DOCK3: variants seen among roughly 807,000 people sequenced by gnomAD.
The protein encoded by DOCK3 is dedicator of cytokinesis protein 3.
DOCK3 carries 60 observed loss-of-function variants against 265.6 expected under a neutral mutation model. That is an observed-to-expected ratio of 0.23 (90% CI 0.18 to 0.28). The LOEUF (loss-of-function observed/expected upper bound fraction) is 0.28. DOCK3 is among the 10% of genes least tolerant of loss of function. DOCK3 has a pLI of 1.00. For synonymous variants in DOCK3, 881 were observed against 938.0 expected (o/e 0.94, Z 1.11); for missense variants, 1,981 against 2,594.3 (o/e 0.76, Z 5.14).
chr3:51,310,188 T>G, intron 27 of DOCK3, 44 bp from the exon 28 acceptor site: 1 of 1,485,530 alleles, frequency 6.7e-7, no homozygotes, highest in Non-Finnish European at 9.2e-7. Flanking sequence ...AGGAGATGCA[T>G]ATTGTGGTGG....
chr3:51,148,594 T>C (rs1001573437), intron 10 of DOCK3, among the ~76,000 whole-genome samples: 76 of 152,358 alleles, frequency 5.0e-4, no homozygotes, highest in African/African-American at 1.8e-3. Context: ...ATTTATTACA[T>C]AGGGAATCCT....
At chr3:51,358,098 C>G (rs774965967) in intron 46 of DOCK3, 21 bp downstream of exon 46, 9 of 1,608,098 alleles carry the variant, frequency 5.6e-6, no homozygotes, top group Non-Finnish European at 5.1e-6. Flanking sequence ...CCCTGTCCTG[C>G]CCCTGCTGCA....
intron 3 of DOCK3, among the ~76,000 whole-genome samples, chr3:50,850,290 G>A (rs2046299065): frequency 6.6e-6 from 1 of 151,168 alleles, no homozygotes; most frequent in South Asian, 2.1e-4. Context: ...AACCCAGGAG[G>A]CAGAGATTGC....
intron 2 of DOCK3, among the ~76,000 whole-genome samples, chr3:50,827,050 A>G (rs991444163): frequency 6.6e-6 from 1 of 152,186 alleles, no homozygotes; most frequent in Admixed American, 6.5e-5. Flanking sequence ...AAAATAGACT[A>G]ATTTCATTGT....
At chr3:51,247,068 C>T (rs908406417) in intron 22 of DOCK3, among the ~76,000 whole-genome samples, 14 of 152,166 alleles carry the variant, frequency 9.2e-5, no homozygotes, top group African/African-American at 3.4e-4. Context: ...GATTGTTACC[C>T]ATAGTATCAG....
chr3:51,289,741 G>A (rs2081624253), intron 27 of DOCK3, among the ~76,000 whole-genome samples: 1 of 152,038 alleles, frequency 6.6e-6, no homozygotes, highest in African/African-American at 2.4e-5. Context: ...TACCATCAGA[G>A]TGAACAGGCA....
intron 4 of DOCK3, among the ~76,000 whole-genome samples, chr3:50,925,618 GT>G (rs1251550912): frequency 1.3e-5 from 2 of 152,078 alleles, no homozygotes; most frequent in African/African-American, 4.8e-5. Flanking sequence ...CACAGACAGG[GT>G]AGTCTTCTTT....
chr3:51,020,602 G>T (rs2079542183), intron 5 of DOCK3, among the ~76,000 whole-genome samples: 2 of 151,682 alleles, frequency 1.3e-5, no homozygotes, highest in South Asian at 4.2e-4. Context: ...TATGGTTCTG[G>T]GTTTTACCTT....
chr3:51,047,300 A>G (rs1367221290), intron 5 of DOCK3, among the ~76,000 whole-genome samples: 1 of 151,694 alleles, frequency 6.6e-6, no homozygotes, highest in East Asian at 1.9e-4. Flanking sequence ...AGATATACCT[A>G]ATGTAAATGA....
chr3:50,852,974 A>T (rs1054699231), intron 3 of DOCK3, among the ~76,000 whole-genome samples: 11 of 152,188 alleles, frequency 7.2e-5, no homozygotes, highest in Admixed American at 1.3e-4. Context: ...ATGTGTAATG[A>T]TCAAAACCAG....
chr3:50,804,320 C>T (rs138523729), intron 2 of DOCK3, among the ~76,000 whole-genome samples: 14,358 of 151,994 alleles, frequency 0.094, 837 homozygotes, highest in Non-Finnish European at 0.12. Context: ...AGACGCTCCT[C>T]GCTTCCCAGA....
At chr3:51,100,626 G>A (rs2083045187) in intron 9 of DOCK3, among the ~76,000 whole-genome samples, 1 of 152,100 alleles carries the variant, frequency 6.6e-6, no homozygotes, top group Non-Finnish European at 1.5e-5. Context: ...TATAGATTAA[G>A]TCTAATCAAG....
intron 27 of DOCK3, among the ~76,000 whole-genome samples, chr3:51,300,427 C>T (rs1420850542): frequency 1.3e-5 from 2 of 152,164 alleles, no homozygotes; most frequent in Non-Finnish European, 2.9e-5. Context: ...GCCAGAACTT[C>T]CAGTACTATG....
intron 3 of DOCK3, among the ~76,000 whole-genome samples, chr3:50,847,031 G>A (rs1183491554): frequency 6.6e-6 from 1 of 151,630 alleles, no homozygotes. Flanking sequence ...CTATCTTTGG[G>A]GTTACTTTGT....
Position 50,994,897 on chromosome 3 carries a change from A to G in DOCK3, c.315+60820A>G, listed in dbSNP as rs927322973. On this transcript the variant is annotated intron_variant, in intron 5 of 52. Transcript: ENST00000266037. ...TGTTACCTGTTATCATCATTGTTGT[A>G]TACCATTAAAAGAAAGTAAGGATGA... Among the ~76,000 whole-genome samples the G allele has an allele frequency of 3.9e-5, 6 of 152,326 alleles. No homozygotes were observed. In the East Asian group the frequency reaches 7.7e-4, roughly 20 times the overall value.
intron 5 of DOCK3, among the ~76,000 whole-genome samples, chr3:50,970,956 G>T (rs1575641380): frequency 5.3e-5 from 2 of 37,926 alleles, no homozygotes; most frequent in African/African-American, 6.3e-5. Context: ...TAATGTGTGT[G>T]TGTGTGTGTG....
chr3:50,964,108 C>T (rs1380013622), intron 5 of DOCK3, among the ~76,000 whole-genome samples: 1 of 152,182 alleles, frequency 6.6e-6, no homozygotes, highest in African/African-American at 2.4e-5. Flanking sequence ...AGGTAGAATA[C>T]TCAGGAAGGA....
intron 3 of DOCK3, chr3:50,877,111 C>T: frequency 3.7e-6 from 1 of 272,630 alleles, no homozygotes; most frequent in South Asian, 3.9e-5. Context: ...TTCTGCCATT[C>T]TAGGCATTGC....
intron 1 of DOCK3, among the ~76,000 whole-genome samples, chr3:50,765,029 T>A (rs1209962306): frequency 6.6e-6 from 1 of 150,688 alleles, no homozygotes; most frequent in East Asian, 1.9e-4. Context: ...CCCAAAGTGC[T>A]GGGATTATGG....
Sources: allele counts gnomAD v4.1 joint callset (sites outside exome capture counted in the v4.1 genomes callset), GRCh38; gene constraint gnomAD v4.1.1; transcripts MANE v1.5; gene names NCBI Gene and HGNC (gene_info 2026-07-23, HGNC 2026-07-21).